Variants in CCT4 observed in about 807,000 individuals in gnomAD.
CCT4 encodes chaperonin containing TCP1 subunit 4.
In CCT4, 17 loss-of-function variants were observed where a neutral mutation model predicts 62.5. The ratio of observed to expected loss-of-function variants is 0.27; its 90% CI spans 0.19 to 0.41. The LOEUF is 0.41. Among genes scored for constraint, CCT4 ranks in the 10% least tolerant of loss-of-function variants. The probability of loss-of-function intolerance (pLI) is 1.00; values close to 1 mark genes in which losing one functional copy is unlikely to be tolerated. For missense variants in CCT4, 592 were observed against 659.2 expected (o/e 0.90, Z 1.12); for synonymous variants, 250 against 229.9 (o/e 1.09, Z -0.79).
intron 11 of CCT4, 40 bp downstream of exon 11, chr2:61,872,418 A>G (rs1344367812): frequency 2.6e-6 from 4 of 1,519,554 alleles, no homozygotes; most frequent in East Asian, 2.3e-5. Flanking sequence ...AATAGTTTTA[A>G]TGTTCAAAAT....
Position 61,870,687 on chromosome 2 carries a change from G to A in CCT4, c.1492-1134C>T, listed in dbSNP as rs779043197. ...TAATCCTAGCACTTTGGAAGGCTGA[G>A]GCAGGTGAATTGCCTGAGCTCAGGA... On this transcript the variant is annotated intron_variant, in intron 12 of 13. Transcript: ENST00000394440. 2.7e-4 allele frequency among the ~76,000 whole-genome samples: 41 copies of A among 152,196 alleles called. 2 individuals carry two copies. The highest frequency in any genetic ancestry group is 5.9e-5 in the Non-Finnish European group (4 of 68,036).
At chr2:61,879,427 A>G (rs1428778820) in intron 4 of CCT4, among the ~76,000 whole-genome samples, 5 of 143,554 alleles carry the variant, frequency 3.5e-5, no homozygotes, top group Non-Finnish European at 6.0e-5. Flanking sequence ...ACACCCGGCT[A>G]ATTTTTTTTG....
intron 9 of CCT4, 24 bp downstream of exon 9, chr2:61,873,173 C>G (rs918399342): frequency 8.3e-6 from 12 of 1,441,432 alleles, no homozygotes; most frequent in Non-Finnish European, 1.2e-5. Flanking sequence ...ACATTTTCCA[C>G]AAATACAGAT....
At chr2:61,880,200 C>A in intron 4 of CCT4, 86 bp downstream of exon 4, 2 of 607,074 alleles carry the variant, frequency 3.3e-6, no homozygotes, top group South Asian at 2.6e-5. Context: ...ATCTTCAATC[C>A]CATATTACTT....
chr2:61,874,662 T>C (rs576147058), intron 8 of CCT4, among the ~76,000 whole-genome samples: 1 of 151,924 alleles, frequency 6.6e-6, no homozygotes, highest in South Asian at 2.1e-4. Context: ...CAGAGAATTC[T>C]TTTCATCTAT....
Position 61,868,672 on chromosome 2 carries a change from G to T in CCT4, c.*20C>A, listed in dbSNP as rs1200716223. 4 of 1,573,462 alleles carry T rather than the reference G, an allele frequency of 2.5e-6. No homozygotes were observed. The East Asian group carries it at 9.0e-5, about 35-fold the overall frequency. On this transcript the variant is annotated 3_prime_UTR_variant, in exon 14 of 14. Coordinates refer to ENST00000394440, the MANE Select transcript of CCT4 (RefSeq NM_006430.4). ...AGCCACAATACTGGTGATCATAATGGTGCTAGTCAGTTATCCAGATTATCG... is the reference window on the plus strand; with the variant it reads ...AGCCACAATACTGGTGATCATAATGTTGCTAGTCAGTTATCCAGATTATCG...
rs35373962 is a variant in CCT4 at position 61,879,256 on chromosome 2, CTTTTTTTTTT to C, written c.380-255_380-246del. Among the ~76,000 whole-genome samples the C allele has an allele frequency of 8.8e-4, 89 of 101,048 alleles. 2 individuals carry two copies. The South Asian group carries it at 0.027, about 30-fold the overall frequency. The allele number at this position is 101,048 out of a possible 152,430, so 66.3% of individuals were successfully genotyped here. ...GTCTTGACTAAAACCAAATTTTATA[CTTTTTTTTTT>C]TTTTTTTTTTTCTGAGACAGGGTCT... On this transcript the variant is annotated intron_variant, in intron 4 of 13. Coordinates refer to ENST00000394440, the MANE Select transcript of CCT4 (RefSeq NM_006430.4).
At chr2:61,884,207 T>C (rs1206395335) in intron 2 of CCT4, among the ~76,000 whole-genome samples, 5 of 152,240 alleles carry the variant, frequency 3.3e-5, no homozygotes, top group Admixed American at 1.3e-4. Flanking sequence ...GCATTCTCAT[T>C]GTTTAAGAAG....
chr2:61,872,051 A>T, intron 12 of CCT4, 31 bp downstream of exon 12: 2 of 1,417,556 alleles, frequency 1.4e-6, no homozygotes, highest in Non-Finnish European at 2.0e-6. Context: ...AAATTAATCA[A>T]TATTTTCTAC....
chr2:61,875,769 CT>C (rs1179056266), intron 8 of CCT4, among the ~76,000 whole-genome samples: 5 of 151,778 alleles, frequency 3.3e-5, no homozygotes, highest in African/African-American at 4.8e-5. Flanking sequence ...AAAAAACCTA[CT>C]TTTTTTTGTA....
rs148906306 is a variant in CCT4 at position 61,872,193 on chromosome 2, G to T, written c.1380C>A (p.Val460=). Residue 460 remains valine (V), a synonymous_variant, in exon 12 of 14, where the codon GTC becomes GTA. Transcript: ENST00000394440. ...CATTTTCAGCTAGTGTAGATGGAAT[G>T]ACCTCCATAGCATCTGCAAAAGCAC... ...CVRAFADAME[V]IPSTLAENAG... 1.9e-6 allele frequency: 3 copies of T among 1,613,484 alleles called. No homozygotes were observed. The highest frequency in any genetic ancestry group is 2.5e-6 in the Non-Finnish European group (3 of 1,179,572).
At chr2:61,869,856 T>C (rs1460149008) in intron 12 of CCT4, among the ~76,000 whole-genome samples, 4 of 149,786 alleles carry the variant, frequency 2.7e-5, no homozygotes, top group African/African-American at 9.8e-5. Flanking sequence ...GATGGTCTCA[T>C]CTCCTGATCT....
Position 61,869,484 on chromosome 2 carries a change from G to C in CCT4, c.1561C>G (p.Leu521Val). ...ATGCTCCGAACAGTTTCAGTTGCAA[G>C]AGTCAGAGCACTGACTGATACCAAC... is the stretch of plus-strand genomic sequence containing the variant. ...PLLVSVSALT[L>V]ATETVRSILK... Residue 521 changes from leucine to valine, a missense_variant, in exon 13 of 14, where the codon CTT becomes GTT. Leu to Val is a conservative substitution (Grantham distance 32). Around this residue, in one of 3 missense-constraint regions of CCT4, gnomAD observed 522 missense variants for 571.2 expected, o/e 0.91. Coordinates refer to ENST00000394440, the MANE Select transcript of CCT4 (RefSeq NM_006430.4). 2 of 1,611,772 alleles carry C rather than the reference G, an allele frequency of 1.2e-6. No individual in the cohort carries two copies. Among genetic ancestry groups the C allele is most frequent in the Non-Finnish European group, 1.7e-6 (2 of 1,177,882 alleles).
intron 1 of CCT4, chr2:61,885,836 A>C (rs1669237314): frequency 6.6e-6 from 1 of 150,790 alleles, no homozygotes; most frequent in Non-Finnish European, 1.5e-5. Context: ...TTCCTAAAAC[A>C]GGACAAGCAG....
At chr2:61,886,422 C>A (rs1669251446) in intron 1 of CCT4, among the ~76,000 whole-genome samples, 1 of 152,130 alleles carries the variant, frequency 6.6e-6, no homozygotes, top group Non-Finnish European at 1.5e-5. Flanking sequence ...TCTCAACAAA[C>A]AAACCAAACC....
Position 61,876,111 on chromosome 2 carries a change from G to T in CCT4, c.901C>A (p.Gln301Lys). The change falls in exon 8 of 14, where the codon CAG becomes AAG. Residue 301 changes from glutamine (Q) to lysine (K), a missense_variant. Physicochemically the swap from Gln to Lys is moderately conservative, Grantham distance 53 (BLOSUM62 1). Transcript: ENST00000394440. ...GCCCCACACCTTAGAATAGATTTCT[G>T]TATGAGAAGGACATTACATCCTGTT... ...KKTGCNVLLIQKSILRDALSD... is the reference protein window; with the variant it reads ...KKTGCNVLLIKKSILRDALSD... The T allele has an allele frequency of 6.2e-7, 1 of 1,603,200 alleles. No individual in the cohort carries two copies. The highest frequency in any genetic ancestry group is 8.5e-7 in the Non-Finnish European group (1 of 1,171,290).
Position 61,885,142 on chromosome 2 carries a change from A to G in CCT4, c.128-70T>C, listed in dbSNP as rs1228846277. The G allele has an allele frequency of 2.4e-6, 3 of 1,263,750 alleles. No homozygotes were observed. In the African/African-American group the frequency reaches 4.7e-5, roughly 20 times the overall value. The allele number at this position is 1,263,750 out of a possible 1,614,324, so 78.3% of individuals were successfully genotyped here. ...TTTTTTTAAGAGACAGGGTCTTACT[A>G]TATTGTCCAGGATGGCCTCAAACTC... is the stretch of plus-strand genomic sequence containing the variant. On this transcript the variant is annotated intron_variant, in intron 1 of 13. Transcript: ENST00000394440.
chr2:61,868,565 T>G lies in CCT4; in HGVS notation c.*127A>C. ...TTGTTTCAATACAACTTCAGGCAAA[T>G]GCCAACTGGAAGACCAAGCCCAGAA... On this transcript the variant is annotated 3_prime_UTR_variant, in exon 14 of 14. Coordinates refer to ENST00000394440, the MANE Select transcript of CCT4 (RefSeq NM_006430.4). 1 of 691,030 alleles carries G rather than the reference T, an allele frequency of 1.4e-6. No homozygotes were observed. The highest frequency in any genetic ancestry group is 2.6e-6 in the Non-Finnish European group (1 of 390,818). 42.8% of individuals were successfully genotyped at this position (691,030 alleles called of 1,614,324 possible).
intron 1 of CCT4, among the ~76,000 whole-genome samples, chr2:61,887,254 A>G (rs1016075294): frequency 6.6e-6 from 1 of 152,190 alleles, no homozygotes; most frequent in African/African-American, 2.4e-5. Context: ...TCTTACATCC[A>G]GCGTTACCTA....
Sources: gnomAD v4.1 joint callset for allele counts (sites outside exome capture counted in the v4.1 genomes callset) on GRCh38, gnomAD v4.1.1 for gene constraint, gnomAD v4.1.1 regional missense constraint, MANE v1.5 for transcripts, NCBI Gene and HGNC (gene_info 2026-07-23, HGNC 2026-07-21) for gene names.